ZNF114: variants seen among roughly 807,000 people sequenced by gnomAD.
ZNF114 encodes zinc finger protein 114 (Y18).
ZNF114 carries 8 observed loss-of-function variants against 6.8 expected under a neutral mutation model. The ratio of observed to expected loss-of-function variants is 1.18; its 90% CI spans 0.69 to 2.13. The LOEUF is 2.13. ZNF114 is among the 30% of genes most tolerant of loss of function. ZNF114 has a pLI of 0.00. For synonymous variants in ZNF114, 169 were observed against 185.5 expected (o/e 0.91, Z 0.72); for missense variants, 472 against 519.5 (o/e 0.91, Z 0.89).
rs760207661 is a variant in ZNF114, at chr19:48,285,875, C to A, written c.251C>A (p.Ser84Tyr). ...CTCACGAGCATCAGTTCCCAGCACT[C>A]CACATTAAGAGAAGACTGGAGATGC... is the stretch of plus-strand genomic sequence containing the variant. ...VCLTSISSQH[S>Y]TLREDWRCPK... The change falls in exon 6 of 6, where the codon TCC becomes TAC. Residue 84 changes from serine (S) to tyrosine (Y), a missense_variant. By Grantham distance (144) the Ser-to-Tyr change is moderately radical. Coordinates refer to ENST00000595607, the MANE Select transcript of ZNF114 (RefSeq NM_153608.4). 2 of 1,614,176 alleles carry A rather than the reference C, an allele frequency of 1.2e-6. No homozygotes were observed. Among genetic ancestry groups the A allele is most frequent in the South Asian group, 2.2e-5 (2 of 91,076 alleles).
At chr19:48,274,798 G>T (rs1967781244) in intron 3 of ZNF114, among the ~76,000 whole-genome samples, 1 of 151,754 alleles carries the variant, frequency 6.6e-6, no homozygotes, top group African/African-American at 2.4e-5. Context: ...GAGCCACCAC[G>T]CCTGGCCTAG....
intron 3 of ZNF114, among the ~76,000 whole-genome samples, chr19:48,272,861 T>C (rs1967708615): frequency 1.4e-5 from 2 of 142,160 alleles, no homozygotes; most frequent in Admixed American, 7.4e-5. Context: ...TGTGGCGCGA[T>C]CTCTGCTCAC....
chr19:48,274,127 T>A (rs1967758750), intron 3 of ZNF114, among the ~76,000 whole-genome samples: 1 of 151,524 alleles, frequency 6.6e-6, no homozygotes, highest in South Asian at 2.1e-4. Context: ...TATATAAATA[T>A]ATACACACAT....
chr19:48,270,546 AG>A (rs1371443738), intron 1 of ZNF114, among the ~76,000 whole-genome samples: 2 of 145,344 alleles, frequency 1.4e-5, no homozygotes, highest in East Asian at 4.3e-4. Context: ...GAAAGAAGGG[AG>A]GGAGGGAAGA....
In ZNF114 at chr19:48,286,567, T is replaced by A; in HGVS notation, c.943T>A (p.Tyr315Asn). ...KCPECGRAFFYQSFLMRHMKI... is the reference protein window; with the variant it reads ...KCPECGRAFFNQSFLMRHMKI... ...CCCCGAATGTGGGAGAGCCTTTTTT[T>A]ATCAGTCATTCCTTATGAGACATAT... The change falls in exon 6 of 6, where the codon TAT becomes AAT. Residue 315 changes from tyrosine (Y) to asparagine (N), a missense_variant. Physicochemically the swap from Tyr to Asn is moderately radical, Grantham distance 143 (BLOSUM62 -2). Coordinates refer to ENST00000595607, the MANE Select transcript of ZNF114 (RefSeq NM_153608.4). 6.2e-7 allele frequency: 1 copy of A among 1,614,142 alleles called. No homozygotes were observed. Among genetic ancestry groups the A allele is most frequent in the Non-Finnish European group, 8.5e-7 (1 of 1,180,024 alleles).
chr19:48,286,898 T>C lies in ZNF114; in HGVS notation c.*20T>C. ...GAATGAAAGGAAGGTGGAAAATTTT[T>C]CATTAATTTTCTGACTGTACCAAAC... On this transcript the variant is annotated 3_prime_UTR_variant, in exon 6 of 6. Transcript: ENST00000595607. 1.3e-6 allele frequency: 2 copies of C among 1,536,746 alleles called. No individual in the cohort carries two copies. Among genetic ancestry groups the C allele is most frequent in the Middle Eastern group, 1.8e-4 (1 of 5,664 alleles).
intron 3 of ZNF114, among the ~76,000 whole-genome samples, chr19:48,275,222 G>GGGAA (rs1049174643): frequency 7.0e-6 from 1 of 143,092 alleles, no homozygotes; most frequent in East Asian, 2.1e-4. Flanking sequence ...GAAAGAGAGA[G>GGGAA]GGAAGGAAGG....
chr19:48,282,130 C>T, intron 4 of ZNF114: 2 of 342,726 alleles, frequency 5.8e-6, no homozygotes, highest in Non-Finnish European at 1.1e-5. Context: ...GAACTCCTGA[C>T]CTTGTGATCC....
In ZNF114 at chr19:48,285,818, A is replaced by G. The variant is rs772475907; in HGVS notation, c.194A>G (p.Lys65Arg). The change falls in exon 6 of 6, where the codon AAA becomes AGA. Residue 65 changes from lysine (K) to arginine (R), a missense_variant. Coordinates refer to ENST00000595607, the MANE Select transcript of ZNF114 (RefSeq NM_153608.4). ...ACCCCTCAGCCGGATATTCTTCCTA[A>G]AAGAACATTTCCTGAAGCCAACAGA... is the stretch of plus-strand genomic sequence containing the variant. Reference protein sequence around the residue: ...DATPQPDILPKRTFPEANRVC... With the variant: ...DATPQPDILPRRTFPEANRVC... 10 of 1,613,844 alleles carry G rather than the reference A, an allele frequency of 6.2e-6. No homozygotes were observed. Among genetic ancestry groups the G allele is most frequent in the Non-Finnish European group, 7.6e-6 (9 of 1,179,984 alleles).
At chr19:48,274,566 G>A (rs912025843) in intron 3 of ZNF114, among the ~76,000 whole-genome samples, 19 of 150,404 alleles carry the variant, frequency 1.3e-4, no homozygotes, top group African/African-American at 4.6e-4. Context: ...GAGTGCAGTG[G>A]TGCAATCTCG....
At chr19:48,276,475 C>T (rs975923518) in intron 3 of ZNF114, among the ~76,000 whole-genome samples, 3 of 152,096 alleles carry the variant, frequency 2.0e-5, no homozygotes, top group Admixed American at 6.6e-5. Context: ...CTGTGTCCAC[C>T]GACGTGTCTT....
At chr19:48,277,568 G>A (rs949875605) in intron 3 of ZNF114, among the ~76,000 whole-genome samples, 2 of 152,010 alleles carry the variant, frequency 1.3e-5, no homozygotes, top group Non-Finnish European at 2.9e-5. Flanking sequence ...TCCATCAATT[G>A]CAATGATTCA....
chr19:48,274,498 ATATATATATTTT>A (rs1400716875), intron 3 of ZNF114, among the ~76,000 whole-genome samples: 2 of 48,688 alleles, frequency 4.1e-5, no homozygotes, highest in African/African-American at 9.4e-5. Context: ...ATATATATAT[ATATATATATTTT>A]TTTTTTTTTT....
At chr19:48,275,150 AAGAAAGAGAGAAAGAGAGAGAGGAAGAG>A (rs1967789715) in intron 3 of ZNF114, among the ~76,000 whole-genome samples, 2 of 148,462 alleles carry the variant, frequency 1.3e-5, no homozygotes, top group African/African-American at 5.0e-5. Flanking sequence ...TCAAAAAAGA[AAGAAAGAGAGAAAGAGAGAGAGGAAGAG>A]AGAAAGAGAG....
At chr19:48,280,368 A>G (rs1238858101) in intron 4 of ZNF114, among the ~76,000 whole-genome samples, 2 of 152,032 alleles carry the variant, frequency 1.3e-5, no homozygotes, top group Non-Finnish European at 2.9e-5. Flanking sequence ...TGGGTGACAG[A>G]GTAAGACTGT....
chr19:48,275,053 G>A (rs537974233), intron 3 of ZNF114, among the ~76,000 whole-genome samples: 10 of 151,152 alleles, frequency 6.6e-5, no homozygotes, highest in African/African-American at 2.2e-4. Flanking sequence ...GAGGTGGGAG[G>A]ACTGCTTGAC....
chr19:48,286,643 C>G lies in ZNF114; in HGVS notation c.1019C>G (p.Ala340Gly), dbSNP rs1968139112. The G allele has an allele frequency of 1.2e-6, 2 of 1,613,386 alleles. No individual in the cohort carries two copies. Among genetic ancestry groups the G allele is most frequent in the Admixed American group, 3.3e-5 (2 of 59,872 alleles). The change falls in exon 6 of 6, where the codon GCC (alanine) becomes GGC (glycine). Residue 340 changes from alanine to glycine, a missense_variant. Physicochemically the swap from Ala to Gly is moderately conservative, Grantham distance 60. Transcript: ENST00000595607. The stretch of plus-strand genomic sequence containing the variant: ...TATGAATGTGGGAAATGTGGGAAAG[C>G]CTTTAGATATTCCTTACACCTTAAT... The part of the protein sequence containing the change: ...KPYECGKCGK[A>G]FRYSLHLNKH...
intron 3 of ZNF114, among the ~76,000 whole-genome samples, chr19:48,273,818 C>T (rs1967748151): frequency 2.1e-5 from 3 of 142,510 alleles, no homozygotes; most frequent in African/African-American, 7.8e-5. Context: ...AGTGCAGTGG[C>T]GTTATCTCGG....
At chr19:48,276,478 C>T (rs748496102) in intron 3 of ZNF114, among the ~76,000 whole-genome samples, 4 of 152,072 alleles carry the variant, frequency 2.6e-5, no homozygotes, top group Non-Finnish European at 5.9e-5. Context: ...TGTCCACCGA[C>T]GTGTCTTATT....
Sources: gnomAD v4.1 joint callset for allele counts (sites outside exome capture counted in the v4.1 genomes callset) on GRCh38, gnomAD v4.1.1 for gene constraint, MANE v1.5 for transcripts, NCBI Gene and HGNC (gene_info 2026-07-23, HGNC 2026-07-21) for gene names.